DMRT3: variants seen among roughly 807,000 people sequenced by gnomAD.
DMRT3 encodes the protein doublesex- and mab-3-related transcription factor 3.
Under a neutral mutation model 34.9 loss-of-function variants are expected in DMRT3, and 29 were observed. The ratio of observed to expected loss-of-function variants is 0.83; its 90% confidence interval spans 0.62 to 1.13. The LOEUF is 1.13. DMRT3 is among the 50% of genes most tolerant of loss of function. The pLI is 0.00. For synonymous variants in DMRT3, 350 were observed against 286.0 expected (o/e 1.22, Z -2.26); for missense variants, 772 against 629.1 (o/e 1.23, Z -2.43).
intron 1 of DMRT3, among the ~76,000 whole-genome samples, chr9:983,619 A>G (rs1820248247): frequency 2.0e-5 from 3 of 152,206 alleles, no homozygotes; most frequent in African/African-American, 7.2e-5. Flanking sequence ...TGTTAAATAG[A>G]TGGATGAGTT....
Position 991,114 on chromosome 9 carries a change from A to AAG in DMRT3, c.*109_*110insAG. ...TATGCCCTTTCCTTCTGTTTGACAAAGTGACTGTGCTTGATTCTATACATT... is the reference window on the plus strand; with the variant it reads ...TATGCCCTTTCCTTCTGTTTGACAAAAGGTGACTGTGCTTGATTCTATACATT... On this transcript the variant is annotated 3_prime_UTR_variant, in exon 2 of 2. Coordinates refer to ENST00000190165, the MANE Select transcript of DMRT3 (RefSeq NM_021240.4). The AAG allele has an allele frequency of 7.1e-7, 1 of 1,415,440 alleles. No homozygotes were observed. Among genetic ancestry groups the AAG allele is most frequent in the African/African-American group, 1.4e-5 (1 of 69,688 alleles). 87.7% of individuals were successfully genotyped at this position (1,415,440 alleles called of 1,614,324 possible). A position where few individuals can be genotyped will look rare whatever the true frequency, so the allele number is the denominator to read the frequency against.
rs1458138075 is a variant in DMRT3 at position 990,774 on chromosome 9, G to A, written c.1188G>A (p.Thr396=). ...ATGTCACCCTGTGGAACACCATGAC[G>A]CTGCAGCAGCAGTATCAGCTGAGGT... The part of the protein sequence containing the change: ...PNDVTLWNTM[T]LQQQYQLRSQ... Residue 396 remains threonine, a synonymous_variant, in exon 2 of 2, where the codon ACG becomes ACA. Transcript: ENST00000190165. 4.4e-5 allele frequency: 71 copies of A among 1,613,952 alleles called. No individual in the cohort carries two copies. Among genetic ancestry groups the A allele is most frequent in the Middle Eastern group, 1.6e-4 (1 of 6,084 alleles).
chr9:979,796 C>A (rs1214028966), intron 1 of DMRT3, among the ~76,000 whole-genome samples: 1 of 152,176 alleles, frequency 6.6e-6, no homozygotes, highest in Non-Finnish European at 1.5e-5. Context: ...AGGTATTATA[C>A]CCTTTTTGCA....
chr9:989,486 T>C (rs778920387), intron 1 of DMRT3, among the ~76,000 whole-genome samples: 1 of 152,248 alleles, frequency 6.6e-6, no homozygotes, highest in Non-Finnish European at 1.5e-5. Context: ...CTAGCTATTG[T>C]ATATGGTAAC....
chr9:980,854 C>T (rs1394783356), intron 1 of DMRT3, among the ~76,000 whole-genome samples: 2 of 152,116 alleles, frequency 1.3e-5, no homozygotes, highest in Admixed American at 1.3e-4. Context: ...TGTTGTGGCT[C>T]CCTTCCCTAC....
At chr9:985,656 T>C (rs1341787944) in intron 1 of DMRT3, among the ~76,000 whole-genome samples, 3 of 152,220 alleles carry the variant, frequency 2.0e-5, no homozygotes, top group Non-Finnish European at 2.9e-5. Context: ...CTAGACACCA[T>C]AGCGCCACAA....
Position 991,554 on chromosome 9 carries a change from A to C in DMRT3, c.*549A>C, listed in dbSNP as rs1389034739. ...TAAGCTTGGACAGTTTTCAGAGACA[A>C]ACCCCATTAAGAATTACTCTTTTCA... On this transcript the variant is annotated 3_prime_UTR_variant, in exon 2 of 2. Coordinates refer to ENST00000190165, the MANE Select transcript of DMRT3 (RefSeq NM_021240.4). The C allele has an allele frequency of 6.5e-6, 1 of 153,022 alleles. No homozygotes were observed. The highest frequency in any genetic ancestry group is 1.5e-5 in the Non-Finnish European group (1 of 68,344). 9.5% of individuals were successfully genotyped at this position (153,022 alleles called of 1,614,324 possible).
chr9:990,483 C>T lies in DMRT3; in HGVS notation c.897C>T (p.Ser299=), dbSNP rs145231691. 578 of 1,614,168 alleles carry T rather than the reference C, an allele frequency of 3.6e-4. 2 individuals are homozygous for T. The African/African-American group carries it at 6.9e-3, about 19-fold the overall frequency. ...RSSVTGAERT[S]AEPESLALPS... Reference sequence around the variant, plus strand: ...CAGTCACGGGAGCAGAGCGAACTTCCGCAGAACCTGAGAGTCTAGCGTTGC... The same window carrying T: ...CAGTCACGGGAGCAGAGCGAACTTCTGCAGAACCTGAGAGTCTAGCGTTGC... Residue 299 remains serine, a synonymous_variant, in exon 2 of 2, where the codon TCC becomes TCT. Coordinates refer to ENST00000190165, the MANE Select transcript of DMRT3 (RefSeq NM_021240.4).
chr9:980,223 T>C (rs1348206191), intron 1 of DMRT3, among the ~76,000 whole-genome samples: 2 of 152,206 alleles, frequency 1.3e-5, no homozygotes, highest in Admixed American at 6.5e-5. Context: ...GGGAGTGACA[T>C]ATTCACATCA....
chr9:986,874 G>T (rs1355400244), intron 1 of DMRT3, among the ~76,000 whole-genome samples: 3 of 135,230 alleles, frequency 2.2e-5, no homozygotes, highest in Admixed American at 1.5e-4. Flanking sequence ...CTGGGTGACA[G>T]AGTGAGACTC....
Position 990,713 on chromosome 9 carries a change from T to C in DMRT3, c.1127T>C (p.Leu376Ser). 4 of 1,614,088 alleles carry C rather than the reference T, an allele frequency of 2.5e-6. No homozygotes were observed. Among genetic ancestry groups the C allele is most frequent in the South Asian group, 1.1e-5 (1 of 91,076 alleles). ...PRYPLMLRNT[L>S]ARSQSSPFLP... is the part of the protein sequence containing the mutation. ...TACCCGCTGATGCTGAGGAATACTT[T>C]GGCGAGAAGCCAGTCGAGCCCCTTT... Residue 376 changes from leucine to serine, a missense_variant, in exon 2 of 2, where the codon TTG becomes TCG. Coordinates refer to ENST00000190165, the MANE Select transcript of DMRT3 (RefSeq NM_021240.4).
At chr9:984,111 AT>A (rs1232847485) in intron 1 of DMRT3, among the ~76,000 whole-genome samples, 2 of 152,166 alleles carry the variant, frequency 1.3e-5, no homozygotes, top group African/African-American at 4.8e-5. Flanking sequence ...TAGAATTCTG[AT>A]TAGGCAATGG....
At position 990,235 on chromosome 9, in the gene DMRT3, C is replaced by T. The variant is rs61737966; in HGVS notation, c.649C>T (p.Arg217Cys). Residue 217 changes from arginine (R) to cysteine (C), a missense_variant, in exon 2 of 2, where the codon CGC becomes TGC. Arg to Cys is a radical substitution (Grantham distance 180, BLOSUM62 -3). Coordinates refer to ENST00000190165, the MANE Select transcript of DMRT3 (RefSeq NM_021240.4). ...GAAAAACGGAGGCAACCCCGAGAGC[C>T]GCCCTGACAGCCCCAAGTGTCACGC... is the stretch of plus-strand genomic sequence containing the variant. ...VQKNGGNPES[R>C]PDSPKCHAEQ... 5.9e-3 allele frequency: 9,450 copies of T among 1,614,014 alleles called. 42 individuals are homozygous for T. Among genetic ancestry groups the T allele is most frequent in the Non-Finnish European group, 7.1e-3 (8,411 of 1,180,014 alleles).
In DMRT3 at chr9:990,932, C is replaced by G. The variant is rs767839121; in HGVS notation, c.1346C>G (p.Ser449Cys). Reference protein sequence around the residue: ...DDGCPFVSKQSIYTEDDYDER... With the variant: ...DDGCPFVSKQCIYTEDDYDER... ...GGGTGTCCATTTGTGTCAAAGCAGT[C>G]CATTTACACCGAGGACGACTATGAC... Residue 449 changes from serine to cysteine, a missense_variant, in exon 2 of 2, where the codon TCC becomes TGC. Coordinates refer to ENST00000190165, the MANE Select transcript of DMRT3 (RefSeq NM_021240.4). 46 of 1,613,978 alleles carry G rather than the reference C, an allele frequency of 2.9e-5. No individual in the cohort carries two copies. The Middle Eastern group carries it at 4.9e-4, about 17-fold the overall frequency.
intron 1 of DMRT3, among the ~76,000 whole-genome samples, chr9:981,436 G>A (rs2130059542): frequency 1.3e-5 from 2 of 152,192 alleles, no homozygotes; most frequent in South Asian, 4.2e-4. Context: ...TGAAAAACAG[G>A]GTCTCATTTT....
chr9:990,538 T>A lies in DMRT3; in HGVS notation c.952T>A (p.Leu318Met). Residue 318 changes from leucine to methionine, a missense_variant, in exon 2 of 2, where the codon TTG (leucine) becomes ATG (methionine). Leu to Met is a conservative substitution (Grantham distance 15). Transcript: ENST00000190165. ...PSNGHIFEHT[L>M]SSYPISSSKW... The stretch of plus-strand genomic sequence containing the variant: ...CAATGGGCACATCTTTGAACACACC[T>A]TGAGCTCCTACCCCATCTCGTCTTC... 6.2e-7 allele frequency: 1 copy of A among 1,614,042 alleles called. No individual in the cohort carries two copies. The highest frequency in any genetic ancestry group is 8.5e-7 in the Non-Finnish European group (1 of 1,180,010).
At chr9:989,322 C>T (rs1820323807) in intron 1 of DMRT3, among the ~76,000 whole-genome samples, 1 of 152,184 alleles carries the variant, frequency 6.6e-6, no homozygotes, top group African/African-American at 2.4e-5. Flanking sequence ...CTTTTTTCCT[C>T]TCCAGCAACT....
At chr9:985,233 T>G (rs1270657871) in intron 1 of DMRT3, among the ~76,000 whole-genome samples, 1 of 152,200 alleles carries the variant, frequency 6.6e-6, no homozygotes, top group Non-Finnish European at 1.5e-5. Flanking sequence ...TCAGTAATAT[T>G]TGTCATATTC....
Position 991,024 on chromosome 9 carries a change from G to T in DMRT3, c.*19G>T. 1 of 1,587,086 alleles carries T rather than the reference G, an allele frequency of 6.3e-7. No homozygotes were observed. The highest frequency in any genetic ancestry group is 8.6e-7 in the Non-Finnish European group (1 of 1,162,764). On this transcript the variant is annotated 3_prime_UTR_variant, in exon 2 of 2. Coordinates refer to ENST00000190165, the MANE Select transcript of DMRT3 (RefSeq NM_021240.4). ...ATCTTAAAGTGGTGCTGGATGGGTG[G>T]TGGCCAGGTGACATTTTCTGTGCGT...
Sources: gnomAD v4.1 joint callset for allele counts (sites outside exome capture counted in the v4.1 genomes callset) on GRCh38, gnomAD v4.1.1 for gene constraint, MANE v1.5 for transcripts, NCBI Gene and HGNC (gene_info 2026-07-23, HGNC 2026-07-21) for gene names.